Variants in SETX observed in about 807,000 individuals in gnomAD.
SETX encodes senataxin, also known as helicase senataxin.
In SETX, 90 loss-of-function variants were observed where a neutral mutation model predicts 227.2. The observed-to-expected ratio is 0.40, with a 90% confidence interval of 0.33 to 0.47. The LOEUF is 0.47. Ranked by LOEUF, SETX falls within the 20% of genes least tolerant of loss-of-function variation. The pLI is 0.91. For synonymous variants in SETX, 1,210 were observed against 1,113.2 expected, an observed-to-expected ratio of 1.09 and a Z score of -1.73; for missense variants, 3,052 against 3,181.5, an observed-to-expected ratio of 0.96 and a Z score of 0.98.
intron 11 of SETX, among the ~76,000 whole-genome samples, chr9:132,306,742 G>A (rs1845357451): frequency 6.6e-6 from 1 of 152,080 alleles, no homozygotes; most frequent in Non-Finnish European, 1.5e-5. Context: ...GTCTTGTTAT[G>A]TTGCCTGGGC....
chr9:132,344,012 G>A lies in SETX; in HGVS notation c.389-1213C>T, dbSNP rs537163799. Reference sequence around the variant, plus strand: ...GTTTCCGTACGAACATAGTTGGCACGTGCAGGGGTTTGGTTCCAGGATACC... The same window carrying A: ...GTTTCCGTACGAACATAGTTGGCACATGCAGGGGTTTGGTTCCAGGATACC... On this transcript the variant is annotated intron_variant, in intron 4 of 25. Coordinates refer to ENST00000224140, the MANE Select transcript of SETX (RefSeq NM_015046.7). Among the ~76,000 whole-genome samples the A allele has an allele frequency of 2.2e-4, 34 of 152,234 alleles. No homozygotes were observed. The South Asian group carries it at 2.9e-3, about 13-fold the overall frequency.
At chr9:132,351,062 G>T (rs1848577449) in intron 2 of SETX, among the ~76,000 whole-genome samples, 1 of 152,134 alleles carries the variant, frequency 6.6e-6, no homozygotes. Context: ...TATTTCTGCA[G>T]AATTTAAAAT....
intron 22 of SETX, among the ~76,000 whole-genome samples, chr9:132,275,635 T>C (rs2131168930): frequency 6.6e-6 from 1 of 152,176 alleles, no homozygotes; most frequent in East Asian, 1.9e-4. Context: ...TAAATATGAA[T>C]ACATGTGAAA....
At chr9:132,346,746 G>T (rs1277336968) in intron 3 of SETX, among the ~76,000 whole-genome samples, 1 of 150,766 alleles carries the variant, frequency 6.6e-6, no homozygotes, top group East Asian at 1.9e-4. Context: ...CAGGTCAGGA[G>T]TTCGAGACCA....
At chr9:132,280,556 TCATA>T (rs771735699) in intron 20 of SETX, among the ~76,000 whole-genome samples, 1 of 152,174 alleles carries the variant, frequency 6.6e-6, no homozygotes, top group African/African-American at 2.4e-5. Flanking sequence ...CGCTCAAATG[TCATA>T]CAAAGAACTG....
chr9:132,297,755 G>A (rs1274544313), intron 13 of SETX, among the ~76,000 whole-genome samples: 1 of 152,080 alleles, frequency 6.6e-6, no homozygotes, highest in African/African-American at 2.4e-5. Flanking sequence ...AACAATACCG[G>A]CCAATTCTCC....
At chr9:132,353,530 C>T (rs1356772109) in intron 2 of SETX, 119 bp downstream of exon 2, 1 of 152,090 alleles carries the variant, frequency 6.6e-6, no homozygotes. Flanking sequence ...TCCGACCCGT[C>T]CTCTCTTCCA....
At position 132,300,584 on chromosome 9, in the gene SETX, G is replaced by A. The variant is rs1392925164; in HGVS notation, c.5548+46C>T. The stretch of plus-strand genomic sequence containing the variant: ...ACAATTGAGAAGTAGATTATTAGAT[G>A]AGACTGTATCTGACATTTCCTGTCA... On this transcript the variant is annotated intron_variant, in intron 12 of 25. Transcript: ENST00000224140. 2.5e-6 allele frequency: 4 copies of A among 1,578,502 alleles called. No homozygotes were observed. In the East Asian group the frequency reaches 6.7e-5, roughly 27 times the overall value.
intron 2 of SETX, among the ~76,000 whole-genome samples, chr9:132,353,297 C>T (rs1330642358): frequency 1.3e-5 from 2 of 152,138 alleles, no homozygotes; most frequent in Non-Finnish European, 2.9e-5. Context: ...GGAAGCTCTT[C>T]CACTGGCCTT....
Position 132,326,902 on chromosome 9 carries a change from G to C in SETX, c.4696C>G (p.Pro1566Ala). ...GCTGCTTTCACTTCAGAGTGTTTTG[G>C]GCAGTATTCACCCTGGTTTTTTGTG... Reference protein sequence around the residue: ...ETTKNQGEYCPKHSEVKAADE... With the variant: ...ETTKNQGEYCAKHSEVKAADE... Residue 1566 changes from proline (P) to alanine (A), a missense_variant, in exon 10 of 26, where the codon CCA becomes GCA. Pro to Ala is a conservative substitution (Grantham distance 27). Transcript: ENST00000224140. 1.2e-6 allele frequency: 2 copies of C among 1,614,104 alleles called. No individual in the cohort carries two copies. Among genetic ancestry groups the C allele is most frequent in the Non-Finnish European group, 8.5e-7 (1 of 1,180,024 alleles).
intron 11 of SETX, among the ~76,000 whole-genome samples, chr9:132,309,895 T>C (rs926835019): frequency 5.9e-5 from 9 of 152,184 alleles, no homozygotes; most frequent in Non-Finnish European, 8.8e-5. Flanking sequence ...TTACTCTTCA[T>C]TTAAGAAACG....
chr9:132,354,375 G>C (rs923284052), intron 1 of SETX, among the ~76,000 whole-genome samples: 5 of 151,888 alleles, frequency 3.3e-5, no homozygotes, highest in Admixed American at 2.0e-4. Context: ...GCGCGCCTAT[G>C]GTCCCAGTTA....
Position 132,310,731 on chromosome 9 carries a change from A to G in SETX, c.5374+1026T>C, listed in dbSNP as rs116089949. Among the ~76,000 whole-genome samples, 633 of 152,328 alleles carry G rather than the reference A, an allele frequency of 4.2e-3. 4 individuals carry two copies. Among genetic ancestry groups the G allele is most frequent in the African/African-American group, 0.015 (612 of 41,582 alleles). ...ACATGAGTTTGAAGTGCACAGGTCC[A>G]CTAATTCATAGATTCTTCTCCATCT... On this transcript the variant is annotated intron_variant, in intron 11 of 25. Transcript: ENST00000224140.
intron 4 of SETX, among the ~76,000 whole-genome samples, chr9:132,343,321 A>G (rs62576492): frequency 0.099 from 15,036 of 152,204 alleles, 1,088 homozygotes; most frequent in Admixed American, 0.24. Context: ...CTCCATCTCA[A>G]AACAACAACA....
At chr9:132,302,505 C>A (rs1156674730) in intron 11 of SETX, among the ~76,000 whole-genome samples, 2 of 149,668 alleles carry the variant, frequency 1.3e-5, no homozygotes, top group Non-Finnish European at 3.0e-5. Flanking sequence ...ACTAAAAATA[C>A]AAAAATTAGC....
rs578205974 is a variant in SETX at position 132,263,869 on chromosome 9, G to C, written c.*370C>G. The C allele has an allele frequency of 4.5e-6, 1 of 221,942 alleles. No individual in the cohort carries two copies. The highest frequency in any genetic ancestry group is 1.2e-4 in the East Asian group (1 of 8,590). 13.7% of individuals were successfully genotyped at this position (221,942 alleles called of 1,614,324 possible). A position where few individuals can be genotyped will look rare whatever the true frequency, so the allele number is the denominator to read the frequency against. On this transcript the variant is annotated 3_prime_UTR_variant, in exon 26 of 26. Transcript: ENST00000224140. ...AAAACTGATTAACATTTTAAACAGG[G>C]GGAAAGAAAAGCGGTCTACTAGATT... is the stretch of plus-strand genomic sequence containing the variant.
intron 24 of SETX, among the ~76,000 whole-genome samples, chr9:132,270,564 A>C (rs1170721378): frequency 6.6e-6 from 1 of 152,258 alleles, no homozygotes; most frequent in Non-Finnish European, 1.5e-5. Flanking sequence ...TTCCTATTAA[A>C]AACAGGAAAC....
intron 23 of SETX, 173 bp downstream of exon 23, chr9:132,275,083 C>A (rs1265250535): frequency 6.0e-6 from 4 of 662,164 alleles, no homozygotes; most frequent in Admixed American, 2.6e-5. Context: ...AACCTGTCTA[C>A]CCAGGAGCCA....
At chr9:132,333,416 T>TATATATATATACAC (rs779955041) in intron 7 of SETX, among the ~76,000 whole-genome samples, 1 of 88,074 alleles carries the variant, frequency 1.1e-5, no homozygotes, top group African/African-American at 5.2e-5. Context: ...AAAATATATA[T>TATATATATATACAC]ACACACACAC....
Sources: gnomAD v4.1 joint callset for allele counts (sites outside exome capture counted in the v4.1 genomes callset) on GRCh38, gnomAD v4.1.1 for gene constraint, MANE v1.5 for transcripts, NCBI Gene and HGNC (gene_info 2026-07-23, HGNC 2026-07-21) for gene names.